The following PGBD1 variants were observed in gnomAD, a reference collection of about 807,000 sequenced individuals.
PGBD1 encodes the protein piggyBac transposable element derived 1, also known as piggyBac transposable element-derived protein 1.
In PGBD1, 25 loss-of-function variants were observed where a neutral mutation model predicts 34.7. That is an observed-to-expected ratio of 0.72 (90% CI 0.52 to 1.00). The LOEUF (loss-of-function observed/expected upper bound fraction) is 1.00. PGBD1 is among the 50% of genes least tolerant of loss of function. PGBD1 has a pLI of 0.00. For synonymous variants in PGBD1, 292 were observed against 335.7 expected (o/e 0.87, Z 1.42); for missense variants, 830 against 959.4 (o/e 0.87, Z 1.78).
chr6:28,286,797 G>T (rs1317142008), intron 3 of PGBD1, among the ~76,000 whole-genome samples: 2 of 151,590 alleles, frequency 1.3e-5, no homozygotes, highest in African/African-American at 4.9e-5. Flanking sequence ...TTTTGTCTAT[G>T]ATTTTTATTT....
chr6:28,296,958 C>A lies in PGBD1; in HGVS notation c.772+13C>A. On this transcript the variant is annotated intron_variant, in intron 5 of 6. Transcript: ENST00000682144. The stretch of plus-strand genomic sequence containing the variant: ...CTCAGTCCGATGAGTAAGGCCAGGC[C>A]TCTGGCTGGACCCCTGTCTGGACTC... 6.2e-7 allele frequency: 1 copy of A among 1,613,666 alleles called. No individual in the cohort carries two copies. The highest frequency in any genetic ancestry group is 8.5e-7 in the Non-Finnish European group (1 of 1,179,832).
rs1322785796 is a variant in PGBD1, at chr6:28,300,550, T to C, written c.870-174T>C. On this transcript the variant is annotated intron_variant, in intron 6 of 6. Transcript: ENST00000682144. This position sits in a 1 kb window ranked among gnomAD's most constrained non-coding sequence, Gnocchi z 4.0. The stretch of plus-strand genomic sequence containing the variant: ...TGAGGAGTGAGTGAGAGGTGGAGAG[T>C]GGCTAGAAATGTTTAATCTAGCCAA... Among the ~76,000 whole-genome samples the C allele has an allele frequency of 6.6e-6, 1 of 151,918 alleles. No individual in the cohort carries two copies. The highest frequency in any genetic ancestry group is 1.5e-5 in the Non-Finnish European group (1 of 67,964).
rs371398454 is a variant in PGBD1 at position 28,284,134 on chromosome 6, T to C, written c.321T>C (p.Tyr107=). 6.2e-7 allele frequency: 1 copy of C among 1,611,440 alleles called. No individual in the cohort carries two copies. The highest frequency in any genetic ancestry group is 8.5e-7 in the Non-Finnish European group (1 of 1,178,642). ...AGCTCCAGCCCTGTGTGAAGACATATCCTCTGGAGAGTGGAGAGGAGGCAG... is the reference window on the plus strand; with the variant it reads ...AGCTCCAGCCCTGTGTGAAGACATACCCTCTGGAGAGTGGAGAGGAGGCAG... ...PKELQPCVKT[Y]PLESGEEAVT... The change falls in exon 2 of 7, where the codon TAT becomes TAC. Residue 107 remains tyrosine (Y), a synonymous_variant. Coordinates refer to ENST00000682144, the MANE Select transcript of PGBD1 (RefSeq NM_032507.4).
chr6:28,299,622 TA>T (rs962372217), intron 6 of PGBD1, among the ~76,000 whole-genome samples: 2 of 152,224 alleles, frequency 1.3e-5, no homozygotes, highest in Non-Finnish European at 2.9e-5. Context: ...TCATGCTTCT[TA>T]AATGTCTTTG....
chr6:28,284,656 A>G (rs1031409596), intron 2 of PGBD1, among the ~76,000 whole-genome samples: 1 of 152,170 alleles, frequency 6.6e-6, no homozygotes, highest in African/African-American at 2.4e-5. Flanking sequence ...ATGGGACTAC[A>G]GGTGCATGCC....
At chr6:28,284,241 G>T in intron 2 of PGBD1, 32 bp downstream of exon 2, 1 of 1,454,442 alleles carries the variant, frequency 6.9e-7, no homozygotes, top group East Asian at 2.4e-5. Context: ...TGATGTGGGA[G>T]AAGAAAAGGG....
At chr6:28,291,063 A>G (rs1762434199) in intron 4 of PGBD1, among the ~76,000 whole-genome samples, 1 of 149,250 alleles carries the variant, frequency 6.7e-6, no homozygotes, top group Non-Finnish European at 1.5e-5. Flanking sequence ...AGAACAAACC[A>G]AACTGAAATT....
chr6:28,300,717 T>G lies in PGBD1; in HGVS notation c.870-7T>G. The G allele has an allele frequency of 6.3e-7, 1 of 1,589,428 alleles. No homozygotes were observed. Among genetic ancestry groups the G allele is most frequent in the Non-Finnish European group, 8.5e-7 (1 of 1,170,128 alleles). On this transcript the variant is annotated splice_region_variant and splice_polypyrimidine_tract_variant and intron_variant, in intron 6 of 6. Transcript: ENST00000682144. This position sits in a 1 kb window ranked among gnomAD's most constrained non-coding sequence, Gnocchi z 4.0. Reference sequence around the variant, plus strand: ...TTTTTATAACATGTTCTTTTTTTCTTTCCCAGAGAGTGTGCACCCCAGATT... The same window carrying G: ...TTTTTATAACATGTTCTTTTTTTCTGTCCCAGAGAGTGTGCACCCCAGATT...
chr6:28,299,499 A>G (rs1762755623), intron 6 of PGBD1, among the ~76,000 whole-genome samples: 1 of 152,234 alleles, frequency 6.6e-6, no homozygotes, highest in Non-Finnish European at 1.5e-5. Flanking sequence ...TATGGATGTC[A>G]GGGAACTTTA....
chr6:28,283,904 A>G lies in PGBD1; in HGVS notation c.91A>G (p.Asn31Asp). Residue 31 changes from asparagine to aspartate, a missense_variant, in exon 2 of 7, where the codon AAC (asparagine) becomes GAC (aspartate). Coordinates refer to ENST00000682144, the MANE Select transcript of PGBD1 (RefSeq NM_032507.4). ...AGATCCCACCTGGGAGCAGGTGTGC[A>G]ACTCACAGGAGGGCAGCTCCCACAC... Reference protein sequence around the residue: ...EEDPTWEQVCNSQEGSSHTQE... With the variant: ...EEDPTWEQVCDSQEGSSHTQE... 6.2e-7 allele frequency: 1 copy of G among 1,614,122 alleles called. No individual in the cohort carries two copies. The highest frequency in any genetic ancestry group is 8.5e-7 in the Non-Finnish European group (1 of 1,179,942).
At chr6:28,291,369 T>C (rs1428279281) in intron 4 of PGBD1, among the ~76,000 whole-genome samples, 2 of 151,904 alleles carry the variant, frequency 1.3e-5, no homozygotes, top group Admixed American at 1.3e-4. Flanking sequence ...CCTAGATGCA[T>C]GCCAACTACC....
rs368634720 is a variant in PGBD1, at chr6:28,297,816, GTTTTTTTTTTTT to G, written c.773-61_773-50del. ...GGAACATCTATTCCCTACCCTGGAAGTTTTTTTTTTTTTTTTTTTTTTTTTTTTTCAAAATTC... is the reference window on the plus strand; with the variant it reads ...GGAACATCTATTCCCTACCCTGGAAGTTTTTTTTTTTTTTTTTCAAAATTC... On this transcript the variant is annotated intron_variant, in intron 5 of 6. Coordinates refer to ENST00000682144, the MANE Select transcript of PGBD1 (RefSeq NM_032507.4). The G allele has an allele frequency of 6.9e-4, 242 of 350,362 alleles. 1 individual carries two copies. The highest frequency in any genetic ancestry group is 1.7e-3 in the Admixed American group (26 of 15,594). The allele number at this position is 350,362 out of a possible 1,614,324, so 21.7% of individuals were successfully genotyped here.
chr6:28,299,615 T>C (rs1349910447), intron 6 of PGBD1, among the ~76,000 whole-genome samples: 1 of 152,244 alleles, frequency 6.6e-6, no homozygotes, highest in African/African-American at 2.4e-5. Flanking sequence ...ATACTCTTCA[T>C]GCTTCTTAAA....
chr6:28,301,941 G>A lies in PGBD1; in HGVS notation c.2087G>A (p.Ser696Asn). ...LCRWYGDGII[S>N]LCSNAVGIEP... Reference sequence around the variant, plus strand: ...CGTTGGTATGGGGATGGCATTATCAGTCTGTGCTCCAATGCTGTGGGCATA... The same window carrying A: ...CGTTGGTATGGGGATGGCATTATCAATCTGTGCTCCAATGCTGTGGGCATA... Residue 696 changes from serine (S) to asparagine (N), a missense_variant, in exon 7 of 7, where the codon AGT becomes AAT. Transcript: ENST00000682144. The A allele has an allele frequency of 6.2e-7, 1 of 1,614,182 alleles. No individual in the cohort carries two copies.
chr6:28,285,223 C>T (rs901768959), intron 2 of PGBD1, among the ~76,000 whole-genome samples: 2 of 152,068 alleles, frequency 1.3e-5, no homozygotes, highest in Non-Finnish European at 2.9e-5. Context: ...TCAGGAGGTG[C>T]GTAGTGATGA....
chr6:28,298,127 G>A (rs1449117846), intron 6 of PGBD1, 136 bp downstream of exon 6: 4 of 695,132 alleles, frequency 5.8e-6, no homozygotes, highest in African/African-American at 1.8e-5. Context: ...TGTGATCATA[G>A]GAGGTCCATG....
At chr6:28,296,750 C>A in intron 4 of PGBD1, 66 bp from the exon 5 acceptor site, 1 of 1,579,546 alleles carries the variant, frequency 6.3e-7, no homozygotes. Flanking sequence ...GTATTCAACA[C>A]CCTTCACAAC....
At chr6:28,289,299 A>G (rs1174822451) in intron 4 of PGBD1, among the ~76,000 whole-genome samples, 3 of 152,172 alleles carry the variant, frequency 2.0e-5, no homozygotes, top group African/African-American at 7.2e-5. Context: ...TTTTCAAAGT[A>G]CTCCAAGAAA....
intron 6 of PGBD1, among the ~76,000 whole-genome samples, chr6:28,298,642 G>A (rs1394805852): frequency 6.6e-6 from 1 of 152,128 alleles, no homozygotes; most frequent in Non-Finnish European, 1.5e-5. Flanking sequence ...CCTGAACAAG[G>A]TATAGGTCAA....
Sources: gnomAD v4.1 joint callset for allele counts (sites outside exome capture counted in the v4.1 genomes callset) on GRCh38, gnomAD v4.1.1 for gene constraint, Gnocchi (gnomAD v3.1) non-coding constraint, MANE v1.5 for transcripts, NCBI Gene and HGNC (gene_info 2026-07-23, HGNC 2026-07-21) for gene names.